The following BCL2 variants were observed in gnomAD, a reference collection of about 807,000 sequenced individuals.
BCL2 encodes apoptosis regulator Bcl-2.
Under a neutral mutation model 14.2 loss-of-function variants are expected in BCL2, and 1 was observed. The ratio of observed to expected loss-of-function variants is 0.07; its 90% CI spans 0.02 to 0.33. The LOEUF (loss-of-function observed/expected upper bound fraction) is 0.33. BCL2 is among the 10% of genes least tolerant of loss of function. The pLI is 0.99. For synonymous variants in BCL2, 151 were observed against 137.2 expected (o/e 1.10, Z -0.70); for missense variants, 247 against 305.9 (o/e 0.81, Z 1.44).
At chr18:63,264,318 A>T (rs1911753726) in intron 2 of BCL2, among the ~76,000 whole-genome samples, 1 of 152,130 alleles carries the variant, frequency 6.6e-6, no homozygotes, top group South Asian at 2.1e-4. Context: ...GATGCTTCAG[A>T]TCAGTTGTGA....
At chr18:63,196,182 G>A (rs1438036846) in intron 2 of BCL2, among the ~76,000 whole-genome samples, 1 of 152,080 alleles carries the variant, frequency 6.6e-6, no homozygotes, top group Non-Finnish European at 1.5e-5. Context: ...CCTGGTACAC[G>A]GTTTGTTTTT....
chr18:63,169,505 T>C (rs374241691), intron 2 of BCL2, among the ~76,000 whole-genome samples: 9 of 137,014 alleles, frequency 6.6e-5, no homozygotes, highest in East Asian at 5.0e-4. Flanking sequence ...CTCTCTTTCT[T>C]TTCTCTTCTC....
intron 2 of BCL2, among the ~76,000 whole-genome samples, chr18:63,215,818 A>AT (rs1211065099): frequency 4.1e-4 from 62 of 152,110 alleles, no homozygotes; most frequent in African/African-American, 1.3e-3. Flanking sequence ...GGGTGGTGAG[A>AT]TTTTTTTTAA....
chr18:63,255,643 G>C (rs988172154), intron 2 of BCL2, among the ~76,000 whole-genome samples: 5 of 152,054 alleles, frequency 3.3e-5, no homozygotes, highest in African/African-American at 7.3e-5. Flanking sequence ...CTAAACTTGG[G>C]CTACTCACTT....
chr18:63,310,948 C>T (rs1913298921), intron 2 of BCL2, among the ~76,000 whole-genome samples: 1 of 152,006 alleles, frequency 6.6e-6, no homozygotes, highest in African/African-American at 2.4e-5. Context: ...TGGCAGGAAT[C>T]CATAAAGGAT....
intron 2 of BCL2, among the ~76,000 whole-genome samples, chr18:63,164,325 C>A (rs1914990102): frequency 6.6e-6 from 1 of 152,204 alleles, no homozygotes; most frequent in South Asian, 2.1e-4. Flanking sequence ...CAATACAACT[C>A]AAATCACAGC....
At chr18:63,284,514 T>G (rs1433411940) in intron 2 of BCL2, among the ~76,000 whole-genome samples, 1 of 152,192 alleles carries the variant, frequency 6.6e-6, no homozygotes, top group Non-Finnish European at 1.5e-5. Context: ...TGGGGTTATT[T>G]GAAACAAGGC....
chr18:63,190,222 C>T lies in BCL2; in HGVS notation c.586-61463G>A, dbSNP rs193239813. Among the ~76,000 whole-genome samples the T allele has an allele frequency of 1.3e-3, 203 of 152,202 alleles. 3 individuals are homozygous for T. The highest frequency in any genetic ancestry group is 2.2e-3 in the Non-Finnish European group (149 of 67,990). ...AGAATCCCATGTAAGACTGTTGAATCCACCCTAAATAATAATCTCCAAATT... is the reference window on the plus strand; with the variant it reads ...AGAATCCCATGTAAGACTGTTGAATTCACCCTAAATAATAATCTCCAAATT... On this transcript the variant is annotated intron_variant, in intron 2 of 2. Transcript: ENST00000333681.
rs550555769 is a variant in BCL2, at chr18:63,211,658, A to G, written c.586-82899T>C. The stretch of plus-strand genomic sequence containing the variant: ...TAGTCCTTCAGACACATACAGTGAA[A>G]TAAATAGGTACTCGACGATAGTATG... On this transcript the variant is annotated intron_variant, in intron 2 of 2. Transcript: ENST00000333681. Among the ~76,000 whole-genome samples, 77 of 152,326 alleles carry G rather than the reference A, an allele frequency of 5.1e-4. 1 individual carries two copies. Among genetic ancestry groups the G allele is most frequent in the African/African-American group, 1.8e-3 (76 of 41,574 alleles).
rs8089583 is a variant in BCL2 at position 63,167,201 on chromosome 18, C to G, written c.586-38442G>C. On this transcript the variant is annotated intron_variant, in intron 2 of 2. Coordinates refer to ENST00000333681, the MANE Select transcript of BCL2 (RefSeq NM_000633.3). Reference sequence around the variant, plus strand: ...ACAGTCACCTATTTCCTGTCTTTCTCGCCTTCCTTCATTCATCTATCTACC... The same window carrying G: ...ACAGTCACCTATTTCCTGTCTTTCTGGCCTTCCTTCATTCATCTATCTACC... Among the ~76,000 whole-genome samples, 11 of 152,218 alleles carry G rather than the reference C, an allele frequency of 7.2e-5. No homozygotes were observed. The East Asian group carries it at 1.9e-3, about 27-fold the overall frequency.
At chr18:63,232,465 C>T (rs540211994) in intron 2 of BCL2, among the ~76,000 whole-genome samples, 1 of 152,004 alleles carries the variant, frequency 6.6e-6, no homozygotes, top group Non-Finnish European at 1.5e-5. Flanking sequence ...AAAAAGTGAG[C>T]AAAGTCTAGA....
rs71162613 is a variant in BCL2, at chr18:63,254,383, TAAAAA to T, written c.585+63694_585+63698del. Among the ~76,000 whole-genome samples, 57 of 38,416 alleles carry T rather than the reference TAAAAA, an allele frequency of 1.5e-3. 1 individual carries two copies. Among genetic ancestry groups the T allele is most frequent in the South Asian group, 9.7e-3 (5 of 518 alleles). 25.2% of individuals were successfully genotyped at this position (38,416 alleles called of 152,430 possible). The stretch of plus-strand genomic sequence containing the variant: ...CGGCATAGGGAAACCCTGTCTTTGC[TAAAAA>T]AAAAAAAAAAAAAAAAAAAAAGCTG... On this transcript the variant is annotated intron_variant, in intron 2 of 2. Transcript: ENST00000333681.
intron 2 of BCL2, among the ~76,000 whole-genome samples, chr18:63,211,059 A>ATT (rs1909986673): frequency 1.1e-5 from 1 of 91,328 alleles, no homozygotes; most frequent in African/African-American, 4.4e-5. Flanking sequence ...TTTTCTTTTC[A>ATT]TTTCTTTTTT....
At position 63,255,466 on chromosome 18, in the gene BCL2, G is replaced by A. The variant is rs896550641; in HGVS notation, c.585+62616C>T. Among the ~76,000 whole-genome samples, 22 of 152,274 alleles carry A rather than the reference G, an allele frequency of 1.4e-4. 1 individual carries two copies. The highest frequency in any genetic ancestry group is 2.0e-4 in the Admixed American group (3 of 15,288). ...TGTCTACACTTCTAATTGGAAAGCC[G>A]TATCTGATTCATTCAAATGTTCAGA... On this transcript the variant is annotated intron_variant, in intron 2 of 2. Coordinates refer to ENST00000333681, the MANE Select transcript of BCL2 (RefSeq NM_000633.3).
In BCL2 at chr18:63,171,175, G is replaced by A. The variant is rs150795437; in HGVS notation, c.586-42416C>T. Reference sequence around the variant, plus strand: ...CATGTGTGATACGTGTCCATCATTTGACAATGGCCAGAGTTTACTAGTGTA... The same window carrying A: ...CATGTGTGATACGTGTCCATCATTTAACAATGGCCAGAGTTTACTAGTGTA... On this transcript the variant is annotated intron_variant, in intron 2 of 2. Transcript: ENST00000333681. 5.3e-3 allele frequency among the ~76,000 whole-genome samples: 814 copies of A among 152,256 alleles called. 7 individuals are homozygous for A. Among genetic ancestry groups the A allele is most frequent in the African/African-American group, 0.019 (781 of 41,538 alleles).
intron 2 of BCL2, among the ~76,000 whole-genome samples, chr18:63,226,702 C>T (rs1255477515): frequency 6.6e-6 from 1 of 151,778 alleles, no homozygotes; most frequent in Non-Finnish European, 1.5e-5. Context: ...TATATATGTG[C>T]ATGTGTTTAT....
At chr18:63,300,096 TCACAAAAAC>T (rs1407790459) in intron 2 of BCL2, among the ~76,000 whole-genome samples, 7 of 152,346 alleles carry the variant, frequency 4.6e-5, no homozygotes, top group African/African-American at 1.7e-4. Context: ...AAGCAGCTCC[TCACAAAAAC>T]CACTCTATGC....
intron 2 of BCL2, among the ~76,000 whole-genome samples, chr18:63,244,554 C>G (rs73473354): frequency 0.12 from 18,614 of 151,986 alleles, 1,205 homozygotes; most frequent in South Asian, 0.2. Flanking sequence ...GCAAGACTGT[C>G]TTTAAAAAAA....
At chr18:63,174,092 A>G (rs1380117767) in intron 2 of BCL2, among the ~76,000 whole-genome samples, 2 of 152,220 alleles carry the variant, frequency 1.3e-5, no homozygotes, top group African/African-American at 2.4e-5. Flanking sequence ...ACACACATCT[A>G]TAATACTATA....
Sources: allele counts gnomAD v4.1 joint callset (sites outside exome capture counted in the v4.1 genomes callset), GRCh38; gene constraint gnomAD v4.1.1; transcripts MANE v1.5; gene names NCBI Gene and HGNC (gene_info 2026-07-23, HGNC 2026-07-21).